The following NUDT5 variants were observed in gnomAD, a reference collection of about 807,000 sequenced individuals.
The protein encoded by NUDT5 is ADP-sugar pyrophosphatase.
In NUDT5, 21 loss-of-function variants were observed where a neutral mutation model predicts 34.1. That is an observed-to-expected ratio of 0.62 (90% CI 0.44 to 0.89). NUDT5 has a LOEUF of 0.89. NUDT5 is among the 40% of genes least tolerant of loss of function. The pLI is 0.00. For missense variants in NUDT5, 249 were observed against 274.8 expected, an observed-to-expected ratio of 0.91 and a Z score of 0.66; for synonymous variants, 85 against 97.6, an observed-to-expected ratio of 0.87 and a Z score of 0.76.
chr10:12,175,816 G>A lies in NUDT5; in HGVS notation c.289+1977C>T, dbSNP rs1459521146. 6.6e-6 allele frequency among the ~76,000 whole-genome samples: 1 copy of A among 151,998 alleles called. No homozygotes were observed. Among genetic ancestry groups the A allele is most frequent in the Non-Finnish European group, 1.5e-5 (1 of 67,994 alleles). On this transcript the variant is annotated intron_variant, in intron 5 of 9. Transcript: ENST00000491614. This position sits in a 1 kb window ranked among gnomAD's most constrained non-coding sequence, Gnocchi z 4.8. ...TGGGAGGATCACCTCAGCCTGGGGA[G>A]GTTGAGGCTGCAATGGGCTGTGATG...
chr10:12,168,187 G>C lies in NUDT5; in HGVS notation c.551-376C>G, dbSNP rs934295897. ...CTATAGGCGCACGCCACCACGCCCAGCTAATTTTTGTATTTTTAGTAGAGA... is the reference window on the plus strand; with the variant it reads ...CTATAGGCGCACGCCACCACGCCCACCTAATTTTTGTATTTTTAGTAGAGA... On this transcript the variant is annotated intron_variant, in intron 9 of 9. Coordinates refer to ENST00000491614, the MANE Select transcript of NUDT5 (RefSeq NM_014142.4). This position sits in a 1 kb window ranked among gnomAD's most constrained non-coding sequence, Gnocchi z 4.8. Among the ~76,000 whole-genome samples, 1 of 152,100 alleles carries C rather than the reference G, an allele frequency of 6.6e-6. No individual in the cohort carries two copies. Among genetic ancestry groups the C allele is most frequent in the Admixed American group, 6.6e-5 (1 of 15,262 alleles).
chr10:12,172,920 T>A, intron 6 of NUDT5, 54 bp from the exon 7 acceptor site: 1 of 1,325,658 alleles, frequency 7.5e-7, no homozygotes, highest in Non-Finnish European at 1.1e-6. Context: ...TTTGTTTCAC[T>A]ATGGTCTTAG....
chr10:12,166,149 G>C lies in NUDT5; in HGVS notation c.*1553C>G, dbSNP rs2131689313. Reference sequence around the variant, plus strand: ...AGTTGCACTCTTAGGAAGAAGGAGAGGATAAGCTTAGGTCAGCTGCAGAGG... The same window carrying C: ...AGTTGCACTCTTAGGAAGAAGGAGACGATAAGCTTAGGTCAGCTGCAGAGG... On this transcript the variant is annotated 3_prime_UTR_variant, in exon 10 of 10. Transcript: ENST00000491614. 1 of 152,430 alleles carries C rather than the reference G, an allele frequency of 6.6e-6. No homozygotes were observed. The highest frequency in any genetic ancestry group is 1.9e-4 in the East Asian group (1 of 5,190). 9.4% of individuals were successfully genotyped at this position (152,430 alleles called of 1,614,324 possible). A position where few individuals can be genotyped will look rare whatever the true frequency, so the allele number is the denominator to read the frequency against.
intron 1 of NUDT5, among the ~76,000 whole-genome samples, chr10:12,189,534 C>T (rs1302585488): frequency 6.6e-6 from 1 of 152,168 alleles, no homozygotes; most frequent in Non-Finnish European, 1.5e-5. Flanking sequence ...ATGAGATTCC[C>T]AAACATTTCA....
chr10:12,167,991 C>A, intron 9 of NUDT5, 180 bp from the exon 10 acceptor site: 3 of 1,149,002 alleles, frequency 2.6e-6, no homozygotes, highest in South Asian at 1.9e-5. Flanking sequence ...GGCAAGATTA[C>A]ATTCCTAGCA....
At chr10:12,172,325 G>T (rs771192315) in intron 7 of NUDT5, among the ~76,000 whole-genome samples, 2 of 151,768 alleles carry the variant, frequency 1.3e-5, no homozygotes, top group African/African-American at 4.8e-5. Flanking sequence ...CTGTCACAGA[G>T]TGGCACCATC....
At chr10:12,180,035 T>G (rs1835019801) in intron 3 of NUDT5, among the ~76,000 whole-genome samples, 1 of 152,174 alleles carries the variant, frequency 6.6e-6, no homozygotes, top group African/African-American at 2.4e-5. Context: ...GGGCTTGGGA[T>G]AAAAAGGAGT....
intron 2 of NUDT5, among the ~76,000 whole-genome samples, chr10:12,185,935 G>C (rs182456516): frequency 6.6e-6 from 1 of 152,286 alleles, no homozygotes; most frequent in African/African-American, 2.4e-5. Context: ...AAATATCTGA[G>C]TCCGCAAATG....
At chr10:12,184,866 T>G in intron 3 of NUDT5, 23 bp downstream of exon 3, 1 of 1,429,128 alleles carries the variant, frequency 7.0e-7, no homozygotes, top group Admixed American at 1.9e-5. Context: ...ACGAACATTT[T>G]GTAAGAAAAA....
At position 12,166,848 on chromosome 10, in the gene NUDT5, A is replaced by G. The variant is rs751471584; in HGVS notation, c.*854T>C. On this transcript the variant is annotated 3_prime_UTR_variant, in exon 10 of 10. Coordinates refer to ENST00000491614, the MANE Select transcript of NUDT5 (RefSeq NM_014142.4). ...TGACAGGGTTTCAGGCATGGGAACCAGATCAATCTGTACTTCTTGCTGTGA... is the reference window on the plus strand; with the variant it reads ...TGACAGGGTTTCAGGCATGGGAACCGGATCAATCTGTACTTCTTGCTGTGA... The G allele has an allele frequency of 7.9e-5, 35 of 440,336 alleles. No individual in the cohort carries two copies. Among genetic ancestry groups the G allele is most frequent in the Non-Finnish European group, 1.4e-4 (29 of 213,648 alleles). 27.3% of individuals were successfully genotyped at this position (440,336 alleles called of 1,614,324 possible). A position where few individuals can be genotyped will look rare whatever the true frequency, so the allele number is the denominator to read the frequency against.
In NUDT5 at chr10:12,175,856, C is replaced by A. The variant is rs1013666186; in HGVS notation, c.289+1937G>T. ...GGGCTGTGATGGTGCCGGAGCACAC[C>A]AGCCTCAGCAACAGAGACCCCATCT... On this transcript the variant is annotated intron_variant, in intron 5 of 9. Coordinates refer to ENST00000491614, the MANE Select transcript of NUDT5 (RefSeq NM_014142.4). This position sits in a 1 kb window ranked among gnomAD's most constrained non-coding sequence, Gnocchi z 4.8. 4.6e-5 allele frequency among the ~76,000 whole-genome samples: 7 copies of A among 152,068 alleles called. No individual in the cohort carries two copies. The highest frequency in any genetic ancestry group is 1.7e-4 in the African/African-American group (7 of 41,388).
In NUDT5 at chr10:12,187,568, A is replaced by G. The variant is rs2131715703; in HGVS notation, c.-41-1236T>C. ...AATTCAGCTGTATATAGAATTATAGACCCAAAGCCAGTTGTCTATGAAACT... is the reference window on the plus strand; with the variant it reads ...AATTCAGCTGTATATAGAATTATAGGCCCAAAGCCAGTTGTCTATGAAACT... On this transcript the variant is annotated intron_variant, in intron 1 of 9. Transcript: ENST00000491614. This position sits in a 1 kb window ranked among gnomAD's most constrained non-coding sequence, Gnocchi z 5.4. 6.6e-6 allele frequency among the ~76,000 whole-genome samples: 1 copy of G among 152,246 alleles called. No individual in the cohort carries two copies. The highest frequency in any genetic ancestry group is 1.5e-5 in the Non-Finnish European group (1 of 68,022).
intron 5 of NUDT5, among the ~76,000 whole-genome samples, chr10:12,176,493 A>C (rs111847795): frequency 6.6e-6 from 1 of 151,728 alleles, no homozygotes; most frequent in Non-Finnish European, 1.5e-5. Context: ...AATCCCAGCT[A>C]CTCAGGAAGC....
intron 3 of NUDT5, 101 bp downstream of exon 3, chr10:12,184,788 G>C (rs1835098454): frequency 2.8e-6 from 2 of 727,156 alleles, no homozygotes; most frequent in African/African-American, 3.6e-5. Flanking sequence ...ATTTAAAACA[G>C]AGTTTACAAA....
chr10:12,183,288 AG>A (rs956804530), intron 3 of NUDT5, among the ~76,000 whole-genome samples: 18 of 152,330 alleles, frequency 1.2e-4, no homozygotes, highest in Middle Eastern at 3.4e-3. Flanking sequence ...TGGCATCTTA[AG>A]TGAAGAGTTA....
chr10:12,189,174 C>T (rs1279775845), intron 1 of NUDT5, among the ~76,000 whole-genome samples: 1 of 151,948 alleles, frequency 6.6e-6, no homozygotes, highest in Non-Finnish European at 1.5e-5. Context: ...GGCATGATCT[C>T]GGCTCACTGC....
In NUDT5 at chr10:12,187,927, G is replaced by A. The variant is rs1349937100; in HGVS notation, c.-41-1595C>T. Among the ~76,000 whole-genome samples, 1 of 152,112 alleles carries A rather than the reference G, an allele frequency of 6.6e-6. No homozygotes were observed. The highest frequency in any genetic ancestry group is 6.6e-5 in the Admixed American group (1 of 15,262). On this transcript the variant is annotated intron_variant, in intron 1 of 9. Coordinates refer to ENST00000491614, the MANE Select transcript of NUDT5 (RefSeq NM_014142.4). This position sits in a 1 kb window ranked among gnomAD's most constrained non-coding sequence, Gnocchi z 5.4. ...ATCCTAGCCCTTTGGGGGACCAAGA[G>A]TCTGAGACCAGCCTGGGTAACATGG...
Position 12,181,897 on chromosome 10 carries a change from G to T in NUDT5, c.132-2765C>A, listed in dbSNP as rs891017929. On this transcript the variant is annotated intron_variant, in intron 3 of 9. Coordinates refer to ENST00000491614, the MANE Select transcript of NUDT5 (RefSeq NM_014142.4). This position sits in a 1 kb window ranked among gnomAD's most constrained non-coding sequence, Gnocchi z 5.0. Reference sequence around the variant, plus strand: ...CTCACGACTGTAGTCCTAGCACTTTGGGAGGCCAAGGTGGGTGGATCACCT... The same window carrying T: ...CTCACGACTGTAGTCCTAGCACTTTTGGAGGCCAAGGTGGGTGGATCACCT... 3.9e-5 allele frequency among the ~76,000 whole-genome samples: 6 copies of T among 152,154 alleles called. No homozygotes were observed. Among genetic ancestry groups the T allele is most frequent in the Non-Finnish European group, 8.8e-5 (6 of 68,036 alleles).
rs1450287927 is a variant in NUDT5 at position 12,173,129 on chromosome 10, C to A, written c.386-263G>T. On this transcript the variant is annotated intron_variant, in intron 6 of 9. Coordinates refer to ENST00000491614, the MANE Select transcript of NUDT5 (RefSeq NM_014142.4). The surrounding 1 kb of genome is among the most constrained non-coding windows in gnomAD (Gnocchi z 4.7). The stretch of plus-strand genomic sequence containing the variant: ...TAAAATCCCTTCACCACATCAAACT[C>A]AAAAAAATCTTCCAGTGATGAGGGT... Among the ~76,000 whole-genome samples, 1 of 152,114 alleles carries A rather than the reference C, an allele frequency of 6.6e-6. No homozygotes were observed. The highest frequency in any genetic ancestry group is 1.5e-5 in the Non-Finnish European group (1 of 68,010).
Sources: allele counts gnomAD v4.1 joint callset (sites outside exome capture counted in the v4.1 genomes callset), GRCh38; gene constraint gnomAD v4.1.1; non-coding constraint Gnocchi (gnomAD v3.1); transcripts MANE v1.5; gene names NCBI Gene and HGNC (gene_info 2026-07-23, HGNC 2026-07-21).